The following TNFRSF10A variants were observed in gnomAD, a reference collection of about 807,000 sequenced individuals.
The protein encoded by TNFRSF10A is TNF receptor superfamily member 10a.
TNFRSF10A carries 44 observed loss-of-function variants against 42.8 expected under a neutral mutation model. The observed-to-expected ratio is 1.03, with a 90% CI of 0.81 to 1.32. The LOEUF is 1.32. TNFRSF10A is among the 40% of genes most tolerant of loss of function. The probability of loss-of-function intolerance (pLI) is 0.00; values close to 1 mark genes in which losing one functional copy is unlikely to be tolerated. For synonymous variants in TNFRSF10A, 259 were observed against 234.2 expected (o/e 1.11, Z -0.97); for missense variants, 680 against 602.0 (o/e 1.13, Z -1.36).
chr8:23,215,921 C>T (rs1256972634), intron 1 of TNFRSF10A, among the ~76,000 whole-genome samples: 1 of 151,562 alleles, frequency 6.6e-6, no homozygotes, highest in African/African-American at 2.4e-5. Context: ...TGGGTTCAAG[C>T]GATTCTCCTG....
intron 1 of TNFRSF10A, among the ~76,000 whole-genome samples, chr8:23,223,032 T>A (rs796923348): frequency 6.6e-6 from 1 of 152,152 alleles, no homozygotes; most frequent in African/African-American, 2.4e-5. Flanking sequence ...CAAATAAGCC[T>A]CTTTTAAAAT....
chr8:23,198,083 G>A (rs775268536), intron 8 of TNFRSF10A, among the ~76,000 whole-genome samples: 2 of 151,714 alleles, frequency 1.3e-5, no homozygotes, highest in Non-Finnish European at 2.9e-5. Flanking sequence ...GGAACTGAAT[G>A]GAACAGTCTA....
rs373540814 is a variant in TNFRSF10A, at chr8:23,191,966, A to T, written c.1135T>A (p.Ser379Thr). The T allele has an allele frequency of 1.2e-6, 2 of 1,614,016 alleles. No individual in the cohort carries two copies. Among genetic ancestry groups the T allele is most frequent in the Non-Finnish European group, 1.7e-6 (2 of 1,180,030 alleles). Residue 379 changes from serine to threonine, a missense_variant, in exon 10 of 10, where the codon TCC becomes ACC. By Grantham distance (58) the Ser-to-Thr change is moderately conservative. Coordinates refer to ENST00000221132, the MANE Select transcript of TNFRSF10A (RefSeq NM_003844.4). ...DKFANIVPFD[S>T]WDQLMRQLDL... ...AGCTGCCTCATGAGCTGGTCCCAGG[A>T]GTCAAAGGGCACGATGTTTGCAAAC...
intron 8 of TNFRSF10A, among the ~76,000 whole-genome samples, chr8:23,197,553 C>A (rs1034242951): frequency 6.6e-6 from 1 of 152,142 alleles, no homozygotes; most frequent in African/African-American, 2.4e-5. Flanking sequence ...AGGACCATCT[C>A]GTTGCAGGAA....
intron 2 of TNFRSF10A, among the ~76,000 whole-genome samples, chr8:23,211,725 A>T (rs938970611): frequency 6.6e-6 from 1 of 152,218 alleles, no homozygotes; most frequent in Non-Finnish European, 1.5e-5. Context: ...ATACACCCAT[A>T]CCTTTATGGT....
intron 7 of TNFRSF10A, 66 bp from the exon 8 acceptor site, chr8:23,199,514 C>T (rs941606926): frequency 4.6e-5 from 72 of 1,563,148 alleles, no homozygotes; most frequent in Admixed American, 8.9e-5. Context: ...CCGTAGGGCA[C>T]GGCTGGACCT....
intron 2 of TNFRSF10A, among the ~76,000 whole-genome samples, chr8:23,209,168 G>T (rs1801058566): frequency 6.6e-6 from 1 of 152,214 alleles, no homozygotes; most frequent in Non-Finnish European, 1.5e-5. Flanking sequence ...GCCTGCAGGT[G>T]CACAGAAGTC....
At chr8:23,192,836 G>A (rs1420547287) in intron 9 of TNFRSF10A, among the ~76,000 whole-genome samples, 2 of 152,092 alleles carry the variant, frequency 1.3e-5, no homozygotes, top group African/African-American at 2.4e-5. Context: ...CTTAACGACT[G>A]GAAACTTAAC....
At chr8:23,224,654 A>C (rs979875893) in intron 1 of TNFRSF10A, 102 bp downstream of exon 1, 13 of 1,406,834 alleles carry the variant, frequency 9.2e-6, no homozygotes, top group Admixed American at 2.5e-5. Context: ...GCCCCGCCAC[A>C]AGTGACCCGG....
chr8:23,197,525 C>T (rs1800843474), intron 8 of TNFRSF10A, among the ~76,000 whole-genome samples: 1 of 152,226 alleles, frequency 6.6e-6, no homozygotes. Flanking sequence ...CTGTCACCGT[C>T]TCCCATCACC....
At chr8:23,202,460 C>T (rs190749900) in intron 3 of TNFRSF10A, among the ~76,000 whole-genome samples, 188 bp downstream of exon 3, 31 of 152,134 alleles carry the variant, frequency 2.0e-4, no homozygotes, top group Admixed American at 2.0e-3. Context: ...GTTTGCACTA[C>T]CAGGTGGCAT....
At chr8:23,198,895 T>C (rs1311661786) in intron 8 of TNFRSF10A, among the ~76,000 whole-genome samples, 2 of 152,244 alleles carry the variant, frequency 1.3e-5, no homozygotes, top group Non-Finnish European at 2.9e-5. Context: ...GATCCAAATA[T>C]GTTTAATGCA....
intron 9 of TNFRSF10A, among the ~76,000 whole-genome samples, chr8:23,194,220 T>C (rs539422097): frequency 5.3e-5 from 8 of 152,340 alleles, no homozygotes; most frequent in Admixed American, 5.2e-4. Flanking sequence ...CTAGATGTGT[T>C]TATGTGTATG....
intron 1 of TNFRSF10A, among the ~76,000 whole-genome samples, chr8:23,224,101 C>A (rs1187532697): frequency 4.0e-5 from 6 of 151,788 alleles, no homozygotes; most frequent in African/African-American, 1.4e-4. Flanking sequence ...CCGAGGCGGG[C>A]GGATTTGGCT....
intron 2 of TNFRSF10A, among the ~76,000 whole-genome samples, chr8:23,207,722 G>T (rs988547496): frequency 1.3e-5 from 2 of 152,084 alleles, no homozygotes; most frequent in African/African-American, 2.4e-5. Flanking sequence ...GTTATTATAA[G>T]GGGGAGTTTT....
chr8:23,212,571 T>C (rs1225157741), intron 1 of TNFRSF10A, among the ~76,000 whole-genome samples: 1 of 152,240 alleles, frequency 6.6e-6, no homozygotes, highest in Non-Finnish European at 1.5e-5. Flanking sequence ...TCCTTTCCAT[T>C]GTGTGTATAT....
chr8:23,200,851 C>T (rs1381768789), intron 4 of TNFRSF10A, 91 bp from the exon 5 acceptor site: 1 of 1,196,820 alleles, frequency 8.4e-7, no homozygotes, highest in Non-Finnish European at 1.2e-6. Flanking sequence ...GCCCAATGTC[C>T]CTGAGAAGGC....
chr8:23,203,863 G>A (rs888877228), intron 2 of TNFRSF10A, among the ~76,000 whole-genome samples: 3 of 149,688 alleles, frequency 2.0e-5, no homozygotes, highest in Non-Finnish European at 3.0e-5. Context: ...TGTAACCTCC[G>A]CCTCCTGGGT....
At chr8:23,216,577 A>G (rs369078800) in intron 1 of TNFRSF10A, among the ~76,000 whole-genome samples, 144 of 152,148 alleles carry the variant, frequency 9.5e-4, no homozygotes, top group African/African-American at 3.3e-3. Flanking sequence ...CCCTATCTGT[A>G]CTAAAAATAC....
Sources: allele counts gnomAD v4.1 joint callset (sites outside exome capture counted in the v4.1 genomes callset), GRCh38; gene constraint gnomAD v4.1.1; transcripts MANE v1.5; gene names NCBI Gene and HGNC (gene_info 2026-07-23, HGNC 2026-07-21).